CLNK: variants seen among roughly 807,000 people sequenced by gnomAD.
The protein encoded by CLNK is cytokine dependent hematopoietic cell linker.
In CLNK, 74 loss-of-function variants were observed where a neutral mutation model predicts 68.6. The ratio of observed to expected loss-of-function variants is 1.08; its 90% CI spans 0.89 to 1.31. The LOEUF is 1.31. Among genes scored for constraint, CLNK ranks in the 50% most tolerant of loss-of-function variants. The pLI, the probability that CLNK is intolerant of heterozygous loss-of-function variation, is 0.00. For synonymous variants in CLNK, 198 were observed against 172.2 expected (o/e 1.15, Z -1.17); for missense variants, 553 against 515.3 (o/e 1.07, Z -0.71).
chr4:10,630,155 T>G (rs972174055), intron 2 of CLNK, among the ~76,000 whole-genome samples: 4 of 152,258 alleles, frequency 2.6e-5, no homozygotes, highest in Admixed American at 2.0e-4. Flanking sequence ...CTCAGTCTTG[T>G]GGACACTGAT....
chr4:10,715,676 A>G, the CLNK span, among the ~76,000 whole-genome samples: 1 of 152,200 alleles, frequency 6.6e-6, no homozygotes, highest in African/African-American at 2.4e-5. Flanking sequence ...TACATAGATT[A>G]TAACTAAGAA....
At chr4:10,725,720 T>C in the CLNK span, among the ~76,000 whole-genome samples, 2 of 151,708 alleles carry the variant, frequency 1.3e-5, no homozygotes, top group African/African-American at 2.4e-5. Flanking sequence ...CCGGGCGTGT[T>C]GGCGGGCGCC....
intron 2 of CLNK, among the ~76,000 whole-genome samples, chr4:10,655,595 A>G (rs956312468): frequency 3.3e-5 from 5 of 150,546 alleles, no homozygotes; most frequent in African/African-American, 1.2e-4. Context: ...TTGGTTTACG[A>G]CAGAGCTGGC....
At chr4:10,727,657 A>T in the CLNK span, among the ~76,000 whole-genome samples, 1 of 152,202 alleles carries the variant, frequency 6.6e-6, no homozygotes, top group Non-Finnish European at 1.5e-5. Flanking sequence ...GGGTGAGGGG[A>T]CAGTCATCAG....
chr4:10,713,654 C>T, the CLNK span, among the ~76,000 whole-genome samples: 1 of 152,242 alleles, frequency 6.6e-6, no homozygotes, highest in African/African-American at 2.4e-5. Context: ...TATTTGGATC[C>T]TGGAAATGGA....
upstream of CLNK, among the ~76,000 whole-genome samples, chr4:10,689,155 C>T (rs1005069434): frequency 6.7e-5 from 10 of 150,308 alleles, no homozygotes; most frequent in Non-Finnish European, 7.4e-5. Context: ...TTTTCGGGGG[C>T]GACGAGGTCT....
chr4:10,586,180 G>A (rs1039677733), intron 3 of CLNK, among the ~76,000 whole-genome samples: 1 of 152,118 alleles, frequency 6.6e-6, no homozygotes, highest in African/African-American at 2.4e-5. Context: ...ACACACCACA[G>A]ACCAGTACTG....
At chr4:10,494,600 G>A (rs538087462) in intron 18 of CLNK, among the ~76,000 whole-genome samples, 3 of 152,184 alleles carry the variant, frequency 2.0e-5, no homozygotes, top group Admixed American at 2.0e-4. Context: ...TGGGATTACA[G>A]GCATGTGCCA....
intron 2 of CLNK, among the ~76,000 whole-genome samples, chr4:10,633,391 C>G (rs887103072): frequency 2.0e-5 from 3 of 152,222 alleles, no homozygotes; most frequent in Non-Finnish European, 4.4e-5. Context: ...TGGGCTGCAG[C>G]TTTCCCAGAG....
rs150744853 is a variant in CLNK at position 10,571,797 on chromosome 4, C to A, written c.113-19G>T. ...TACTGGCCTGCCAACACAAACAGAC[C>A]GAGTGTTATTTTAATCACTGTGGTA... On this transcript the variant is annotated intron_variant, in intron 4 of 18. Coordinates refer to ENST00000226951, the MANE Select transcript of CLNK (RefSeq NM_052964.4). 1.9e-6 allele frequency: 3 copies of A among 1,607,486 alleles called. No homozygotes were observed. Among genetic ancestry groups the A allele is most frequent in the South Asian group, 1.1e-5 (1 of 90,762 alleles).
intron 2 of CLNK, among the ~76,000 whole-genome samples, chr4:10,613,894 T>C (rs1236559932): frequency 1.3e-5 from 2 of 152,252 alleles, no homozygotes; most frequent in African/African-American, 2.4e-5. Flanking sequence ...TTTGACAACC[T>C]GCAGGATAGG....
At chr4:10,659,507 T>C (rs1454508025) in intron 2 of CLNK, among the ~76,000 whole-genome samples, 2 of 152,258 alleles carry the variant, frequency 1.3e-5, no homozygotes, top group Non-Finnish European at 2.9e-5. Flanking sequence ...TATACTTCTA[T>C]TGAAGTATTT....
chr4:10,586,847 C>G (rs1720987096), intron 3 of CLNK, among the ~76,000 whole-genome samples: 1 of 152,186 alleles, frequency 6.6e-6, no homozygotes, highest in African/African-American at 2.4e-5. Flanking sequence ...CGCATTTTAC[C>G]CATTTCACTT....
chr4:10,696,089 C>T, the CLNK span, among the ~76,000 whole-genome samples: 8 of 152,272 alleles, frequency 5.3e-5, no homozygotes, highest in East Asian at 7.7e-4. Context: ...CTCCTGACCT[C>T]AGTTGATCCA....
the CLNK span, among the ~76,000 whole-genome samples, chr4:10,733,901 C>T: frequency 6.6e-6 from 1 of 152,218 alleles, no homozygotes; most frequent in Non-Finnish European, 1.5e-5. Context: ...CCTGAAGAGT[C>T]GTTTCTGAAT....
At chr4:10,662,204 A>C (rs964838675) in intron 2 of CLNK, among the ~76,000 whole-genome samples, 1 of 152,204 alleles carries the variant, frequency 6.6e-6, no homozygotes, top group African/African-American at 2.4e-5. Context: ...ATATAGTGTT[A>C]AGTTTAATCT....
At chr4:10,643,244 T>C (rs1723377899) in intron 2 of CLNK, among the ~76,000 whole-genome samples, 1 of 152,246 alleles carries the variant, frequency 6.6e-6, no homozygotes, top group Non-Finnish European at 1.5e-5. Flanking sequence ...TCATATGACT[T>C]CACACTCATG....
At chr4:10,662,504 G>C (rs1463269177) in intron 2 of CLNK, among the ~76,000 whole-genome samples, 1 of 152,148 alleles carries the variant, frequency 6.6e-6, no homozygotes, top group African/African-American at 2.4e-5. Context: ...TTGCATGTCA[G>C]GTTTTGCTGT....
the CLNK span, among the ~76,000 whole-genome samples, chr4:10,717,557 T>C: frequency 6.6e-6 from 1 of 151,910 alleles, no homozygotes; most frequent in Non-Finnish European, 1.5e-5. Context: ...AATGGCGCCA[T>C]TGCACTCCAG....
Sources: gnomAD v4.1 joint callset for allele counts (sites outside exome capture counted in the v4.1 genomes callset) on GRCh38, gnomAD v4.1.1 for gene constraint, MANE v1.5 for transcripts, NCBI Gene and HGNC (gene_info 2026-07-23, HGNC 2026-07-21) for gene names.